Variants in NF1 observed in about 807,000 individuals in gnomAD.
NF1 encodes the protein neurofibromin.
Under a neutral mutation model 325.7 loss-of-function variants are expected in NF1, and 122 were observed. That is an observed-to-expected ratio of 0.37 (90% confidence interval 0.32 to 0.44). The LOEUF (loss-of-function observed/expected upper bound fraction) is 0.44. Among genes scored for constraint, NF1 ranks in the 20% least tolerant of loss-of-function variants. The probability of loss-of-function intolerance (pLI) is 1.00; values close to 1 mark genes in which losing one functional copy is unlikely to be tolerated. For synonymous variants in NF1, 1,091 were observed against 1,186.0 expected (o/e 0.92, Z 1.65); for missense variants, 2,140 against 3,415.4 (o/e 0.63, Z 9.31).
chr17:31,371,158 T>C (rs775851198), intron 57 of NF1, among the ~76,000 whole-genome samples: 3 of 152,138 alleles, frequency 2.0e-5, no homozygotes, highest in South Asian at 2.1e-4. Context: ...TCAGTATTAA[T>C]TGAAAATAAT....
In NF1 at chr17:31,360,477, T is replaced by C; in HGVS notation, c.8161-10T>C. ...AAGGAACTAAAATAATTTCCTATTTTCCATTACAGCAAACACAAATTCCAG... is the reference window on the plus strand; with the variant it reads ...AAGGAACTAAAATAATTTCCTATTTCCCATTACAGCAAACACAAATTCCAG... On this transcript the variant is annotated splice_polypyrimidine_tract_variant and intron_variant, in intron 56 of 57. Coordinates refer to ENST00000358273, the MANE Select transcript of NF1 (RefSeq NM_001042492.3). 6.2e-7 allele frequency: 1 copy of C among 1,612,546 alleles called. No homozygotes were observed. Among genetic ancestry groups the C allele is most frequent in the Non-Finnish European group, 8.5e-7 (1 of 1,178,598 alleles).
At chr17:31,273,391 T>C (rs1295579466) in intron 36 of NF1, among the ~76,000 whole-genome samples, 1 of 152,164 alleles carries the variant, frequency 6.6e-6, no homozygotes, top group South Asian at 2.1e-4. Context: ...AACCAACTCC[T>C]TCATTTTGCA....
chr17:31,325,230 C>T (rs2069311709), intron 36 of NF1, among the ~76,000 whole-genome samples: 1 of 152,200 alleles, frequency 6.6e-6, no homozygotes, highest in African/African-American at 2.4e-5. Context: ...TCAGCTCCTT[C>T]TCTTCAGTCT....
chr17:31,183,916 C>T (rs2143794070), intron 8 of NF1, among the ~76,000 whole-genome samples: 1 of 152,284 alleles, frequency 6.6e-6, no homozygotes, highest in South Asian at 2.1e-4. Flanking sequence ...TCTTAGCCTG[C>T]AGACGGCCTA....
intron 36 of NF1, among the ~76,000 whole-genome samples, chr17:31,276,145 G>A (rs1181566914): frequency 2.8e-5 from 4 of 140,618 alleles, no homozygotes; most frequent in African/African-American, 1.1e-4. Flanking sequence ...GGAGGTGGAG[G>A]TTGCAGTGAG....
chr17:31,206,434 A>G (rs748486915), intron 12 of NF1, 63 bp downstream of exon 12: 48 of 1,591,428 alleles, frequency 3.0e-5, no homozygotes, highest in East Asian at 2.0e-4. Flanking sequence ...TAGTGTCTTT[A>G]TCCTATTCCT....
chr17:31,142,828 C>G (rs1471915563), intron 1 of NF1, among the ~76,000 whole-genome samples: 1 of 150,826 alleles, frequency 6.6e-6, no homozygotes, highest in Non-Finnish European at 1.5e-5. Context: ...GATCGCGCCA[C>G]TGTACTCCAG....
At chr17:31,292,345 T>C (rs1427204485) in intron 36 of NF1, among the ~76,000 whole-genome samples, 9 of 152,220 alleles carry the variant, frequency 5.9e-5, no homozygotes. Context: ...ATAGTAATAC[T>C]TAGTGGCAAA....
At chr17:31,259,312 A>T (rs1026481670) in intron 33 of NF1, among the ~76,000 whole-genome samples, 183 bp downstream of exon 33, 8 of 152,116 alleles carry the variant, frequency 5.3e-5, no homozygotes, top group African/African-American at 1.9e-4. Context: ...ATAAATTAAT[A>T]TTTTTTATAA....
At position 31,159,460 on chromosome 17, in the gene NF1, C is replaced by A. The variant is rs928539266; in HGVS notation, c.288+367C>A. On this transcript the variant is annotated intron_variant, in intron 3 of 57. Coordinates refer to ENST00000358273, the MANE Select transcript of NF1 (RefSeq NM_001042492.3). ...TCCAAGAGTAATCTTGTATTTCCTC[C>A]TATATGAATATGATTTTAATATTCT... Among the ~76,000 whole-genome samples the A allele has an allele frequency of 5.9e-5, 9 of 152,162 alleles. No individual in the cohort carries two copies. In the East Asian group the frequency reaches 1.5e-3, roughly 26 times the overall value.
At chr17:31,353,195 C>T (rs576217089) in intron 51 of NF1, among the ~76,000 whole-genome samples, 55 of 152,314 alleles carry the variant, frequency 3.6e-4, no homozygotes, top group Middle Eastern at 3.4e-3. Flanking sequence ...AGGCATGAGC[C>T]ACCATGCCCG....
At chr17:31,314,214 A>C (rs751017909) in intron 36 of NF1, 13 of 380,912 alleles carry the variant, frequency 3.4e-5, no homozygotes, top group Non-Finnish European at 6.0e-5. Context: ...TTTGAAATAC[A>C]TTTTGGAGCC....
At chr17:31,195,486 C>G (rs2066419471) in intron 8 of NF1, among the ~76,000 whole-genome samples, 1 of 152,098 alleles carries the variant, frequency 6.6e-6, no homozygotes, top group Admixed American at 6.5e-5. Context: ...TCTCCAAAAC[C>G]TGTTCATCTT....
chr17:31,107,129 T>A (rs1912927688), intron 1 of NF1, among the ~76,000 whole-genome samples: 1 of 152,142 alleles, frequency 6.6e-6, no homozygotes, highest in Non-Finnish European at 1.5e-5. Context: ...TTTTCTATCC[T>A]CCTGTCTTTA....
chr17:31,249,904 G>T, intron 30 of NF1: 1 of 480,892 alleles, frequency 2.1e-6, no homozygotes, highest in South Asian at 1.6e-5. Flanking sequence ...GTGGATATAA[G>T]GGAAATACAC....
chr17:31,329,387 A>G (rs1049030133), intron 38 of NF1, among the ~76,000 whole-genome samples: 7 of 152,082 alleles, frequency 4.6e-5, no homozygotes, highest in Non-Finnish European at 1.0e-4. Flanking sequence ...TTGCTGAAGC[A>G]TGTCATCCCA....
Position 31,305,474 on chromosome 17 carries a change from C to T in NF1, c.4836-20346C>T, listed in dbSNP as rs368216496. 4.3e-5 allele frequency: 70 copies of T among 1,614,032 alleles called. No homozygotes were observed. The highest frequency in any genetic ancestry group is 5.4e-5 in the Non-Finnish European group (64 of 1,180,042). On this transcript the variant is annotated intron_variant, in intron 36 of 57. Transcript: ENST00000358273. ...TTCCCTGTTGTGTTTTGAGAATTAG[C>T]CAATACCTGTGACATTGATGATGTG...
At position 31,331,856 on chromosome 17, in the gene NF1, C is replaced by T. The variant is rs902794681; in HGVS notation, c.5812+1358C>T. On this transcript the variant is annotated intron_variant, in intron 39 of 57. Transcript: ENST00000358273. ...GGTCAGGGCTATAGTGAGCTATCAT[C>T]GTACCACTGCACTCCAGCCTGGATG... 4 of 121,114 alleles carry T rather than the reference C, an allele frequency of 3.3e-5. No individual in the cohort carries two copies. In the South Asian group the frequency reaches 8.6e-4, roughly 26 times the overall value. 7.5% of individuals were successfully genotyped at this position (121,114 alleles called of 1,614,324 possible).
chr17:31,161,810 C>T (rs1015680047), intron 3 of NF1, among the ~76,000 whole-genome samples: 11 of 151,944 alleles, frequency 7.2e-5, no homozygotes, highest in Admixed American at 1.3e-4. Flanking sequence ...TCGAGACAGG[C>T]GGAGAGCTTG....
Sources: allele counts gnomAD v4.1 joint callset (sites outside exome capture counted in the v4.1 genomes callset), GRCh38; gene constraint gnomAD v4.1.1; transcripts MANE v1.5; gene names NCBI Gene and HGNC (gene_info 2026-07-23, HGNC 2026-07-21).